The following JADE2 variants were observed in gnomAD, a reference collection of about 807,000 sequenced individuals.
JADE2 encodes E3 ubiquitin-protein ligase Jade-2.
A neutral mutation model predicts 85.7 loss-of-function variants in JADE2; 13 were observed. That is an observed-to-expected ratio of 0.15 (90% confidence interval 0.10 to 0.24). JADE2 has a LOEUF of 0.24. Ranked by LOEUF, JADE2 falls within the 10% of genes least tolerant of loss-of-function variation. JADE2 has a pLI of 1.00. For synonymous variants in JADE2, 440 were observed against 456.1 expected (o/e 0.96, Z 0.45); for missense variants, 846 against 1,115.9 (o/e 0.76, Z 3.45).
At chr5:134,576,459 TC>T (rs1764371899) in intron 10 of JADE2, among the ~76,000 whole-genome samples, 1 of 151,972 alleles carries the variant, frequency 6.6e-6, no homozygotes, top group Admixed American at 6.6e-5. Flanking sequence ...CTGTCCAGAC[TC>T]CCTTCCAGCC....
chr5:134,579,297 A>G lies in JADE2; in HGVS notation c.2485A>G (p.Met829Val). 6.2e-7 allele frequency: 1 copy of G among 1,608,756 alleles called. No homozygotes were observed. The highest frequency in any genetic ancestry group is 8.5e-7 in the Non-Finnish European group (1 of 1,177,922). Residue 829 changes from methionine to valine, a missense_variant, in exon 12 of 12, where the codon ATG (methionine) becomes GTG (valine). By Grantham distance (21) the Met-to-Val change is conservative (BLOSUM62 1). Coordinates refer to ENST00000681547, the MANE Select transcript of JADE2 (RefSeq NM_001388185.1). The surrounding 1 kb of genome is among the most constrained non-coding windows in gnomAD (Gnocchi z 4.6). The part of the protein sequence containing the change: ...REAGAEEVVR[M>V]GVLAS ...GGCAGGGGCAGAGGAGGTGGTCCGC[A>G]TGGGCGTACTGGCCTCCTAACTCAC... is the stretch of plus-strand genomic sequence containing the variant.
chr5:134,582,858 A>G lies in JADE2; in HGVS notation c.*3541A>G, dbSNP rs1764774898. On this transcript the variant is annotated 3_prime_UTR_variant, in exon 12 of 12. Coordinates refer to ENST00000681547, the MANE Select transcript of JADE2 (RefSeq NM_001388185.1). ...TATACAAGAGAAATATTGAAAATAT[A>G]TTGAAAAGAGCAATTTTAAATTATT... 6.6e-6 allele frequency: 1 copy of G among 152,660 alleles called. No individual in the cohort carries two copies. The highest frequency in any genetic ancestry group is 2.4e-5 in the African/African-American group (1 of 41,472). 9.5% of individuals were successfully genotyped at this position (152,660 alleles called of 1,614,324 possible). A position where few individuals can be genotyped will look rare whatever the true frequency, so the allele number is the denominator to read the frequency against.
chr5:134,560,949 G>A lies in JADE2; in HGVS notation c.676G>A (p.Val226Met). Reference protein sequence around the residue: ...MVFCDKCNVCVHQACYGILKV... With the variant: ...MVFCDKCNVCMHQACYGILKV... ...CTTCTGTGACAAGTGCAACGTCTGT[G>A]TGCATCAGGTGGGCAGACCCCCCAG... Residue 226 changes from valine (V) to methionine (M), a missense_variant, in exon 6 of 12, where the codon GTG becomes ATG. By Grantham distance (21) the Val-to-Met change is conservative. Around this residue, in one of 9 missense-constraint regions of JADE2, gnomAD observed 129 missense variants for 255.4 expected, o/e 0.51. Transcript: ENST00000681547. 6.2e-7 allele frequency: 1 copy of A among 1,612,302 alleles called. No individual in the cohort carries two copies. The highest frequency in any genetic ancestry group is 2.2e-5 in the East Asian group (1 of 44,844).
Position 134,578,587 on chromosome 5 carries a change from G to A in JADE2, c.1775G>A (p.Ser592Asn), listed in dbSNP as rs1453906255. 3 of 1,614,142 alleles carry A rather than the reference G, an allele frequency of 1.9e-6. No individual in the cohort carries two copies. The highest frequency in any genetic ancestry group is 1.7e-5 in the Admixed American group (1 of 60,026). ...VQITAENMAM[S>N]EWPLNNGHRE... ...ATCACAGCAGAGAACATGGCCATGA[G>A]CGAGTGGCCACTGAACAATGGGCAC... The change falls in exon 12 of 12, where the codon AGC becomes AAC. Residue 592 changes from serine (S) to asparagine (N), a missense_variant. Physicochemically the swap from Ser to Asn is conservative, Grantham distance 46 (BLOSUM62 1). Transcript: ENST00000681547. The surrounding 1 kb of genome is among the most constrained non-coding windows in gnomAD (Gnocchi z 4.4).
chr5:134,556,412 A>G (rs1273229801), intron 4 of JADE2, among the ~76,000 whole-genome samples: 1 of 151,460 alleles, frequency 6.6e-6, no homozygotes. Flanking sequence ...CAAGGTCTCA[A>G]CACACACACA....
At chr5:134,576,680 C>A in intron 10 of JADE2, 88 bp from the exon 11 acceptor site, 1 of 1,489,852 alleles carries the variant, frequency 6.7e-7, no homozygotes, top group Non-Finnish European at 9.1e-7. Flanking sequence ...TGATGGAGGA[C>A]TCCTGGGCTG....
chr5:134,533,736 CTTTTTTTTTTTTTT>C (rs70976536), intron 1 of JADE2: 17 of 112,840 alleles, frequency 1.5e-4, no homozygotes, highest in Non-Finnish European at 2.5e-4. Flanking sequence ...CACACTCTCT[CTTTTTTTTTTTTTT>C]TTTTTTTTTT....
chr5:134,538,763 A>C (rs1761760217), intron 3 of JADE2, among the ~76,000 whole-genome samples: 1 of 152,082 alleles, frequency 6.6e-6, no homozygotes. Context: ...CTAATGCCAC[A>C]AGGTATTCAT....
rs1465855205 is a variant in JADE2 at position 134,525,776 on chromosome 5, C to G, written c.-236C>G. On this transcript the variant is annotated 5_prime_UTR_variant, in exon 1 of 12. Coordinates refer to ENST00000681547, the MANE Select transcript of JADE2 (RefSeq NM_001388185.1). Reference sequence around the variant, plus strand: ...CGTCCATGGAGTTACTTTGCGCCCACTCCTAGCGGCACCGGCTTAGGTCCT... The same window carrying G: ...CGTCCATGGAGTTACTTTGCGCCCAGTCCTAGCGGCACCGGCTTAGGTCCT... 1 of 1,147,666 alleles carries G rather than the reference C, an allele frequency of 8.7e-7. No individual in the cohort carries two copies. Among genetic ancestry groups the G allele is most frequent in the Non-Finnish European group, 1.1e-6 (1 of 923,272 alleles). 71.1% of individuals were successfully genotyped at this position (1,147,666 alleles called of 1,614,324 possible). A position where few individuals can be genotyped will look rare whatever the true frequency, so the allele number is the denominator to read the frequency against.
intron 4 of JADE2, among the ~76,000 whole-genome samples, chr5:134,557,181 T>G (rs1272212379): frequency 6.6e-6 from 1 of 151,952 alleles, no homozygotes; most frequent in African/African-American, 2.4e-5. Flanking sequence ...CCACATAAAG[T>G]AGGTATTATT....
At chr5:134,565,893 A>T (rs1763611164) in intron 8 of JADE2, among the ~76,000 whole-genome samples, 2 of 150,554 alleles carry the variant, frequency 1.3e-5, no homozygotes, top group South Asian at 4.2e-4. Flanking sequence ...ACTTCCCCAA[A>T]GCATGTGGTG....
chr5:134,543,652 G>A (rs941646693), intron 3 of JADE2, among the ~76,000 whole-genome samples: 12 of 152,098 alleles, frequency 7.9e-5, no homozygotes, highest in African/African-American at 2.9e-4. Flanking sequence ...ACTCCAGCCT[G>A]AGCTACAAAG....
At chr5:134,570,030 T>C (rs1763894621) in intron 9 of JADE2, among the ~76,000 whole-genome samples, 1 of 152,148 alleles carries the variant, frequency 6.6e-6, no homozygotes, top group Admixed American at 6.5e-5. Context: ...CCCTTCTTTG[T>C]CCTGCTTTCT....
chr5:134,545,303 T>C (rs912426370), intron 3 of JADE2, among the ~76,000 whole-genome samples: 4 of 152,214 alleles, frequency 2.6e-5, no homozygotes, highest in African/African-American at 9.6e-5. Context: ...AAGGGCCTCC[T>C]GGCCTCTGGG....
chr5:134,559,598 G>A (rs1763198689), intron 4 of JADE2, among the ~76,000 whole-genome samples: 1 of 152,214 alleles, frequency 6.6e-6, no homozygotes, highest in Non-Finnish European at 1.5e-5. Flanking sequence ...GTGCCCTACT[G>A]CCCTTTGGGT....
intron 1 of JADE2, among the ~76,000 whole-genome samples, chr5:134,528,285 G>A (rs1476322270): frequency 1.3e-5 from 2 of 152,154 alleles, no homozygotes; most frequent in African/African-American, 4.8e-5. Context: ...GCTGCCAACC[G>A]GGCCTGGCTT....
At chr5:134,555,708 C>G (rs548559138) in intron 4 of JADE2, among the ~76,000 whole-genome samples, 21 of 152,350 alleles carry the variant, frequency 1.4e-4, no homozygotes, top group African/African-American at 4.8e-4. Flanking sequence ...ACAATCAAAG[C>G]TGGTTCACAA....
intron 6 of JADE2, among the ~76,000 whole-genome samples, chr5:134,561,965 G>A (rs185740243): frequency 3.9e-5 from 6 of 152,260 alleles, no homozygotes; most frequent in Non-Finnish European, 2.9e-5. Context: ...ACCTGAACCC[G>A]TTCACAGAGG....
At chr5:134,565,449 G>T (rs568317084) in intron 8 of JADE2, among the ~76,000 whole-genome samples, 11 of 152,226 alleles carry the variant, frequency 7.2e-5, no homozygotes. Context: ...CTTCCCAGAG[G>T]ACAAAAAGGG....
Sources: gnomAD v4.1 joint callset for allele counts (sites outside exome capture counted in the v4.1 genomes callset) on GRCh38, gnomAD v4.1.1 for gene constraint, gnomAD v4.1.1 regional missense constraint, Gnocchi (gnomAD v3.1) non-coding constraint, MANE v1.5 for transcripts, NCBI Gene and HGNC (gene_info 2026-07-23, HGNC 2026-07-21) for gene names.